Variants in ANO3 observed in about 807,000 individuals in gnomAD.
ANO3 encodes the protein anoctamin-3.
Under a neutral mutation model 144.8 loss-of-function variants are expected in ANO3, and 99 were observed. The observed-to-expected ratio is 0.68, with a 90% CI of 0.58 to 0.81. The LOEUF (loss-of-function observed/expected upper bound fraction) is 0.81. ANO3 is among the 30% of genes least tolerant of loss of function. ANO3 has a pLI of 0.00. For synonymous variants in ANO3, 414 were observed against 392.6 expected, an observed-to-expected ratio of 1.05 and a Z score of -0.64; for missense variants, 905 against 1,202.2, an observed-to-expected ratio of 0.75 and a Z score of 3.66.
chr11:26,464,851 G>A (rs914240193), intron 4 of ANO3, among the ~76,000 whole-genome samples: 1 of 151,676 alleles, frequency 6.6e-6, no homozygotes, highest in Non-Finnish European at 1.5e-5. Flanking sequence ...CTATTAAAAT[G>A]TGTCCACTTT....
At chr11:26,595,583 G>A (rs1051441323) in intron 14 of ANO3, among the ~76,000 whole-genome samples, 7 of 145,134 alleles carry the variant, frequency 4.8e-5, no homozygotes, top group South Asian at 4.5e-4. Flanking sequence ...GCTTCCACAA[G>A]AGTCTCCCTA....
At chr11:26,191,633 A>G (rs956277640) in intron 1 of ANO3, among the ~76,000 whole-genome samples, 8 of 152,218 alleles carry the variant, frequency 5.3e-5, no homozygotes, top group African/African-American at 1.9e-4. Context: ...TTTCCAAAAC[A>G]TTTCAAGCCC....
At chr11:26,482,832 T>G (rs1281542106) in intron 4 of ANO3, among the ~76,000 whole-genome samples, 1 of 152,194 alleles carries the variant, frequency 6.6e-6, no homozygotes, top group Non-Finnish European at 1.5e-5. Flanking sequence ...CTTGCACTTA[T>G]GTGAACAGGA....
At chr11:26,194,832 C>T (rs901686289) in intron 1 of ANO3, among the ~76,000 whole-genome samples, 2 of 152,066 alleles carry the variant, frequency 1.3e-5, no homozygotes, top group Non-Finnish European at 1.5e-5. Flanking sequence ...TTGCAAAGTG[C>T]TGGGATTACA....
At chr11:26,452,336 C>A (rs1359647033) in intron 3 of ANO3, among the ~76,000 whole-genome samples, 2 of 152,014 alleles carry the variant, frequency 1.3e-5, no homozygotes, top group Admixed American at 6.6e-5. Context: ...CTTTGAAAAA[C>A]ATTTAGACGA....
At chr11:26,654,075 A>G (rs1055924137) in intron 24 of ANO3, among the ~76,000 whole-genome samples, 1 of 152,188 alleles carries the variant, frequency 6.6e-6, no homozygotes, top group South Asian at 2.1e-4. Flanking sequence ...GTAACTTTAC[A>G]GTAAGTCAAT....
At chr11:26,618,735 G>A (rs1052843675) in intron 17 of ANO3, among the ~76,000 whole-genome samples, 11 of 152,044 alleles carry the variant, frequency 7.2e-5, no homozygotes, top group African/African-American at 2.7e-4. Context: ...ACTTTTGCTT[G>A]TCCCCCAGGG....
At chr11:26,339,820 A>G (rs1248254110) in intron 1 of ANO3, among the ~76,000 whole-genome samples, 1 of 152,212 alleles carries the variant, frequency 6.6e-6, no homozygotes, top group Admixed American at 6.5e-5. Flanking sequence ...GCGTATTAGT[A>G]CAACCATCCT....
chr11:26,216,157 C>A (rs1016951293), intron 1 of ANO3, among the ~76,000 whole-genome samples: 3 of 151,964 alleles, frequency 2.0e-5, no homozygotes, highest in Non-Finnish European at 4.4e-5. Flanking sequence ...ACTCTGACTA[C>A]TAAAATAATT....
intron 6 of ANO3, among the ~76,000 whole-genome samples, chr11:26,523,159 G>A (rs920904372): frequency 3.9e-5 from 6 of 152,096 alleles, no homozygotes; most frequent in Admixed American, 6.6e-5. Context: ...CTCAGATCTC[G>A]TGAGAACTCA....
chr11:26,641,252 A>C lies in ANO3; in HGVS notation c.2142-644A>C, dbSNP rs531312260. Among the ~76,000 whole-genome samples, 27 of 152,340 alleles carry C rather than the reference A, an allele frequency of 1.8e-4. No individual in the cohort carries two copies. The South Asian group carries it at 5.0e-3, about 28-fold the overall frequency. On this transcript the variant is annotated intron_variant, in intron 21 of 26. Transcript: ENST00000256737. ...TTGCCTAGTAATTATTGTTCACTAC[A>C]ATAGCAGAATATAATAATCACTAAC...
chr11:26,652,768 C>T (rs1853572777), intron 24 of ANO3, among the ~76,000 whole-genome samples: 1 of 152,180 alleles, frequency 6.6e-6, no homozygotes, highest in African/African-American at 2.4e-5. Context: ...TTCCCCTTCT[C>T]TTCTTCCCTT....
chr11:26,401,928 T>A (rs1010583964), intron 1 of ANO3, among the ~76,000 whole-genome samples: 1 of 152,006 alleles, frequency 6.6e-6, no homozygotes, highest in Non-Finnish European at 1.5e-5. Flanking sequence ...GATCCGACAG[T>A]AACAGAAAAT....
At chr11:26,390,032 G>T (rs1326990403) in intron 1 of ANO3, among the ~76,000 whole-genome samples, 1 of 152,034 alleles carries the variant, frequency 6.6e-6, no homozygotes, top group Non-Finnish European at 1.5e-5. Context: ...AGGGAAAAAA[G>T]AAGACAATAA....
chr11:26,280,915 G>T (rs902309026), intron 1 of ANO3, among the ~76,000 whole-genome samples: 1 of 152,112 alleles, frequency 6.6e-6, no homozygotes, highest in Non-Finnish European at 1.5e-5. Context: ...TGGGAAGCTG[G>T]ACATACATGC....
At chr11:26,548,056 A>T (rs187391019) in intron 12 of ANO3, among the ~76,000 whole-genome samples, 1 of 152,120 alleles carries the variant, frequency 6.6e-6, no homozygotes, top group Admixed American at 6.6e-5. Context: ...ATTATACCAC[A>T]TAAGTCCTGC....
intron 1 of ANO3, among the ~76,000 whole-genome samples, chr11:26,262,552 G>A (rs1305315241): frequency 6.6e-6 from 1 of 152,022 alleles, no homozygotes; most frequent in Non-Finnish European, 1.5e-5. Flanking sequence ...AAATATAATA[G>A]GTCTTCTGTT....
At chr11:26,284,844 GCAGTGAGCCGAGATCGCCC>G (rs561461099) in intron 1 of ANO3, among the ~76,000 whole-genome samples, 5 of 152,322 alleles carry the variant, frequency 3.3e-5, no homozygotes, top group Non-Finnish European at 7.3e-5. Context: ...GGCGGAGCCT[GCAGTGAGCCGAGATCGCCC>G]CACTGCACCC....
intron 1 of ANO3, among the ~76,000 whole-genome samples, chr11:26,367,653 A>G (rs2133933947): frequency 1.3e-5 from 2 of 152,274 alleles, no homozygotes; most frequent in East Asian, 3.9e-4. Flanking sequence ...TTCTACATAG[A>G]AATACTTGAG....
Sources: allele counts gnomAD v4.1 joint callset (sites outside exome capture counted in the v4.1 genomes callset), GRCh38; gene constraint gnomAD v4.1.1; transcripts MANE v1.5; gene names NCBI Gene and HGNC (gene_info 2026-07-23, HGNC 2026-07-21).